THSD7B: variants seen among roughly 807,000 people sequenced by gnomAD.
THSD7B encodes thrombospondin type-1 domain-containing protein 7B.
Under a neutral mutation model 213.6 loss-of-function variants are expected in THSD7B, and 138 were observed. That is an observed-to-expected ratio of 0.65 (90% CI 0.56 to 0.74). The LOEUF is 0.74. THSD7B is among the 30% of genes least tolerant of loss of function. THSD7B has a pLI of 0.00. For missense variants in THSD7B, 1,931 were observed against 1,991.5 expected, an observed-to-expected ratio of 0.97 and a Z score of 0.58; for synonymous variants, 742 against 687.0, an observed-to-expected ratio of 1.08 and a Z score of -1.25.
At chr2:137,473,621 T>A (rs1688135396) in intron 15 of THSD7B, among the ~76,000 whole-genome samples, 1 of 152,182 alleles carries the variant, frequency 6.6e-6, no homozygotes, top group Non-Finnish European at 1.5e-5. Context: ...TCATGTTGAA[T>A]ATTATAAAGA....
At chr2:137,640,666 C>T (rs1177092857) in intron 20 of THSD7B, among the ~76,000 whole-genome samples, 1 of 152,078 alleles carries the variant, frequency 6.6e-6, no homozygotes, top group Non-Finnish European at 1.5e-5. Flanking sequence ...TAGAATTTTC[C>T]TCTTGGGTTG....
At chr2:136,795,096 T>C (rs1308451731) in intron 1 of THSD7B, among the ~76,000 whole-genome samples, 1 of 151,978 alleles carries the variant, frequency 6.6e-6, no homozygotes, top group East Asian at 1.9e-4. Flanking sequence ...TTCCTATTGC[T>C]GATGCGACAA....
At chr2:137,306,546 G>A (rs761295722) in intron 12 of THSD7B, among the ~76,000 whole-genome samples, 8 of 151,970 alleles carry the variant, frequency 5.3e-5, no homozygotes, top group East Asian at 1.9e-4. Context: ...GTCATTTATT[G>A]TGATAAGATA....
intron 5 of THSD7B, among the ~76,000 whole-genome samples, chr2:137,136,640 G>C (rs1188379728): frequency 1.3e-5 from 2 of 152,148 alleles, no homozygotes; most frequent in African/African-American, 4.8e-5. Flanking sequence ...GTAACCTCTA[G>C]TCAACAAATG....
intron 1 of THSD7B, among the ~76,000 whole-genome samples, chr2:136,859,622 G>A (rs908181786): frequency 2.6e-5 from 4 of 152,160 alleles, no homozygotes; most frequent in African/African-American, 9.7e-5. Flanking sequence ...TGACTAGAAG[G>A]TTGGTGTGGC....
Position 136,997,117 on chromosome 2 carries a change from A to G in THSD7B, c.140-59303A>G, listed in dbSNP as rs551796080. On this transcript the variant is annotated intron_variant, in intron 2 of 27. Transcript: ENST00000409968. The stretch of plus-strand genomic sequence containing the variant: ...CAAATTAGTCCCAGTAACATCAAGG[A>G]TTATTATAAAGTTGAGGAATAAAAT... Among the ~76,000 whole-genome samples the G allele has an allele frequency of 9.2e-5, 14 of 152,282 alleles. No homozygotes were observed. The South Asian group carries it at 2.9e-3, about 32-fold the overall frequency.
chr2:137,311,318 G>T (rs1683900948), intron 12 of THSD7B, among the ~76,000 whole-genome samples: 2 of 151,714 alleles, frequency 1.3e-5, no homozygotes, highest in Non-Finnish European at 1.5e-5. Context: ...TCTGTTGTTG[G>T]TGTATAAGAA....
intron 9 of THSD7B, among the ~76,000 whole-genome samples, chr2:137,234,821 G>T (rs1389014524): frequency 6.7e-6 from 1 of 150,210 alleles, no homozygotes; most frequent in South Asian, 2.1e-4. Flanking sequence ...AATCTCCCAT[G>T]ATAAATTTTG....
chr2:137,215,468 T>A (rs533472151), intron 7 of THSD7B, among the ~76,000 whole-genome samples: 4 of 152,216 alleles, frequency 2.6e-5, no homozygotes, highest in African/African-American at 9.6e-5. Context: ...GTCATTGAAA[T>A]AAGTGATTCT....
At chr2:137,370,726 C>A (rs1012752047) in intron 12 of THSD7B, among the ~76,000 whole-genome samples, 1 of 152,078 alleles carries the variant, frequency 6.6e-6, no homozygotes, top group African/African-American at 2.4e-5. Context: ...GCCTAGGCCT[C>A]CCAAAATGCT....
chr2:136,896,415 T>A (rs994823992), intron 2 of THSD7B, among the ~76,000 whole-genome samples: 6 of 152,168 alleles, frequency 3.9e-5, no homozygotes, highest in Non-Finnish European at 8.8e-5. Flanking sequence ...TATTAGTGAG[T>A]TTCAAGAGTC....
At chr2:137,018,702 G>C (rs1231525224) in intron 2 of THSD7B, among the ~76,000 whole-genome samples, 1 of 152,098 alleles carries the variant, frequency 6.6e-6, no homozygotes, top group Non-Finnish European at 1.5e-5. Context: ...TATTATTTTG[G>C]TAAGTGAGAT....
At chr2:137,310,702 C>A (rs1215424544) in intron 12 of THSD7B, among the ~76,000 whole-genome samples, 1 of 152,068 alleles carries the variant, frequency 6.6e-6, no homozygotes, top group Non-Finnish European at 1.5e-5. Flanking sequence ...GGAAGGGATC[C>A]AGTTTCAGCT....
At chr2:137,051,327 T>A (rs909946898) in intron 2 of THSD7B, among the ~76,000 whole-genome samples, 3 of 152,208 alleles carry the variant, frequency 2.0e-5, no homozygotes, top group Non-Finnish European at 4.4e-5. Context: ...ATTGTTGTTA[T>A]AATGAATGAA....
At chr2:137,486,456 A>G (rs1194979860) in intron 15 of THSD7B, among the ~76,000 whole-genome samples, 2 of 151,520 alleles carry the variant, frequency 1.3e-5, no homozygotes, top group Non-Finnish European at 2.9e-5. Context: ...TCCTAAATAT[A>G]TATGCACCCA....
At chr2:137,039,340 T>C (rs553756320) in intron 2 of THSD7B, among the ~76,000 whole-genome samples, 5 of 152,286 alleles carry the variant, frequency 3.3e-5, no homozygotes, top group Non-Finnish European at 5.9e-5. Context: ...TCTATATTAG[T>C]GGTTCTCTGC....
intron 5 of THSD7B, chr2:137,155,983 T>C (rs1246372789): frequency 6.6e-6 from 1 of 152,146 alleles, no homozygotes; most frequent in Non-Finnish European, 1.5e-5. Context: ...GAGGCTTAGC[T>C]CTTGCTTTGC....
At chr2:137,346,508 CTCCCCA>C (rs2104914326) in intron 12 of THSD7B, among the ~76,000 whole-genome samples, 1 of 151,616 alleles carries the variant, frequency 6.6e-6, no homozygotes, top group Non-Finnish European at 1.5e-5. Flanking sequence ...CCCTCTCCCT[CTCCCCA>C]ACATGCCCTT....
Position 137,000,848 on chromosome 2 carries a change from AG to A in THSD7B, c.140-55570del. On this transcript the variant is annotated intron_variant, in intron 2 of 27. Coordinates refer to ENST00000409968, the MANE Select transcript of THSD7B (RefSeq NM_001316349.2). ...TTATTTTTTATTTTTAGTAACTAGAAGGAAACCTCACCTACAAGCCATTGCA... is the reference window on the plus strand; with the variant it reads ...TTATTTTTTATTTTTAGTAACTAGAAGAAACCTCACCTACAAGCCATTGCA... Among the ~76,000 whole-genome samples, 3 of 152,182 alleles carry A rather than the reference AG, an allele frequency of 2.0e-5. No individual in the cohort carries two copies. In the South Asian group the frequency reaches 6.2e-4, roughly 32 times the overall value.
Sources: gnomAD v4.1 joint callset for allele counts (sites outside exome capture counted in the v4.1 genomes callset) on GRCh38, gnomAD v4.1.1 for gene constraint, MANE v1.5 for transcripts, NCBI Gene and HGNC (gene_info 2026-07-23, HGNC 2026-07-21) for gene names.